VRK2: variants seen among roughly 807,000 people sequenced by gnomAD.
VRK2 encodes serine/threonine-protein kinase VRK2.
Under a neutral mutation model 57.6 loss-of-function variants are expected in VRK2, and 60 were observed. The ratio of observed to expected loss-of-function variants is 1.04; its 90% CI spans 0.85 to 1.29. VRK2 has a LOEUF of 1.29. Ranked by LOEUF, VRK2 falls within the 50% of genes most tolerant of loss-of-function variation. VRK2 has a pLI of 0.00. For synonymous variants in VRK2, 231 were observed against 199.2 expected (o/e 1.16, Z -1.35); for missense variants, 705 against 588.1 (o/e 1.20, Z -2.06).
chr2:58,046,472 G>A (rs1674761222), upstream of VRK2: 4 of 984,100 alleles, frequency 4.1e-6, no homozygotes, highest in Non-Finnish European at 3.6e-6. Context: ...TCAGGTTGTG[G>A]TACAGGAGAT....
intron 1 of VRK2, among the ~76,000 whole-genome samples, chr2:57,924,364 C>G (rs927423818): frequency 6.6e-6 from 1 of 151,838 alleles, no homozygotes; most frequent in Non-Finnish European, 1.5e-5. Context: ...ACTTGGAATG[C>G]CTTTCCATTT....
chr2:58,066,269 A>G (rs1266760520), intron 2 of VRK2, among the ~76,000 whole-genome samples: 1 of 152,178 alleles, frequency 6.6e-6, no homozygotes. Context: ...CAAGTTAAGC[A>G]TACTGAGTTT....
chr2:57,985,748 T>C (rs1672575220), intron 1 of VRK2, among the ~76,000 whole-genome samples: 1 of 152,040 alleles, frequency 6.6e-6, no homozygotes. Flanking sequence ...GCATCCATAT[T>C]GGAAAATTCA....
chr2:58,105,387 CA>C (rs1674581365), intron 7 of VRK2, among the ~76,000 whole-genome samples: 2 of 151,662 alleles, frequency 1.3e-5, no homozygotes, highest in Admixed American at 6.6e-5. Context: ...GGGCAAAAGA[CA>C]TGAACAGATA....
At chr2:58,095,251 G>A (rs564950210) in intron 7 of VRK2, among the ~76,000 whole-genome samples, 5 of 146,282 alleles carry the variant, frequency 3.4e-5, no homozygotes, top group South Asian at 4.3e-4. Context: ...CCAAGATTGC[G>A]CCACTGCACT....
intron 12 of VRK2, chr2:58,147,067 T>C: frequency 2.1e-6 from 1 of 467,688 alleles, no homozygotes; most frequent in Non-Finnish European, 4.2e-6. Flanking sequence ...TACACCATCA[T>C]TTCCCCCAAA....
intron 2 of VRK2, among the ~76,000 whole-genome samples, chr2:58,082,038 G>A (rs1056624504): frequency 1.1e-4 from 16 of 151,880 alleles, no homozygotes; most frequent in African/African-American, 3.4e-4. Flanking sequence ...TGAAGCACCC[G>A]TCTCTAAGAG....
At chr2:58,145,443 A>G (rs886640737) in intron 11 of VRK2, among the ~76,000 whole-genome samples, 1 of 151,988 alleles carries the variant, frequency 6.6e-6, no homozygotes, top group Non-Finnish European at 1.5e-5. Flanking sequence ...TAGAAAACTA[A>G]GATTTTAATT....
intron 2 of VRK2, among the ~76,000 whole-genome samples, chr2:58,027,908 G>A (rs1673982703): frequency 6.6e-6 from 1 of 152,156 alleles, no homozygotes; most frequent in Non-Finnish European, 1.5e-5. Context: ...ATCTTAAGAA[G>A]AGGAATTGAA....
At chr2:58,052,735 A>T (rs751210538) in intron 2 of VRK2, among the ~76,000 whole-genome samples, 1 of 152,198 alleles carries the variant, frequency 6.6e-6, no homozygotes, top group African/African-American at 2.4e-5. Flanking sequence ...AACTGAGAAC[A>T]TAGAGAATGT....
Position 57,933,382 on chromosome 2 carries a change from G to A in VRK2, c.-439+25543G>A, listed in dbSNP as rs1346485567. 8.0e-5 allele frequency among the ~76,000 whole-genome samples: 10 copies of A among 124,374 alleles called. No homozygotes were observed. In the South Asian group the frequency reaches 1.7e-3, roughly 22 times the overall value. 81.6% of individuals were successfully genotyped at this position (124,374 alleles called of 152,430 possible). A position where few individuals can be genotyped will look rare whatever the true frequency, so the allele number is the denominator to read the frequency against. On this transcript the variant is annotated intron_variant, in intron 1 of 15. Transcript: ENST00000417641. ...GGCTGGAGTGCAGTGGTGCAATCTCGGCTCACCACAACCTCTGCCTCCCAG... is the reference window on the plus strand; with the variant it reads ...GGCTGGAGTGCAGTGGTGCAATCTCAGCTCACCACAACCTCTGCCTCCCAG...
At chr2:58,036,454 G>A (rs1267639807) in intron 3 of VRK2, among the ~76,000 whole-genome samples, 1 of 151,832 alleles carries the variant, frequency 6.6e-6, no homozygotes, top group Non-Finnish European at 1.5e-5. Context: ...ATTTTTCTTT[G>A]TTGTAATAGG....
Position 58,159,482 on chromosome 2 carries a change from C to G in VRK2, c.1316C>G (p.Pro439Arg). Reference sequence around the variant, plus strand: ...GAGCCTCATCAAGATTTTACCAGTCCAGATATATTCAAGAAGTCAAGATCT... The same window carrying G: ...GAGCCTCATCAAGATTTTACCAGTCGAGATATATTCAAGAAGTCAAGATCT... ...FYEPHQDFTSPDIFKKSRSPS... is the reference protein window; with the variant it reads ...FYEPHQDFTSRDIFKKSRSPS... Residue 439 changes from proline to arginine, a missense_variant, in exon 13 of 13, where the codon CCA (proline) becomes CGA (arginine). Physicochemically the swap from Pro to Arg is moderately radical, Grantham distance 103. Transcript: ENST00000340157. 2 of 1,613,608 alleles carry G rather than the reference C, an allele frequency of 1.2e-6. No individual in the cohort carries two copies. Among genetic ancestry groups the G allele is most frequent in the Non-Finnish European group, 1.7e-6 (2 of 1,179,736 alleles).
chr2:58,146,230 G>A (rs1205006203), intron 11 of VRK2, 86 bp from the exon 12 acceptor site: 1 of 1,191,218 alleles, frequency 8.4e-7, no homozygotes, highest in Non-Finnish European at 1.1e-6. Context: ...CAAGTTTAGA[G>A]CTTTTAAGAA....
rs569273086 is a variant in VRK2, at chr2:58,152,409, T to C, written c.1182+5935T>C. Among the ~76,000 whole-genome samples the C allele has an allele frequency of 4.6e-5, 7 of 152,064 alleles. No homozygotes were observed. In the South Asian group the frequency reaches 6.2e-4, roughly 13 times the overall value. ...CTCATCCTTTGTGCTATTGTTGTTA[T>C]ACGTTTTGCTTTTACATGTGTAATA... is the stretch of plus-strand genomic sequence containing the variant. On this transcript the variant is annotated intron_variant, in intron 12 of 12. Transcript: ENST00000340157.
chr2:57,922,454 T>TTTTG (rs1670381094), intron 1 of VRK2, among the ~76,000 whole-genome samples: 1 of 146,958 alleles, frequency 6.8e-6, no homozygotes, highest in South Asian at 2.2e-4. Flanking sequence ...AGTTACCTTC[T>TTTTG]TGTGTGTGTG....
intron 2 of VRK2, among the ~76,000 whole-genome samples, chr2:58,073,880 A>G (rs117450830): frequency 0.019 from 2,852 of 151,942 alleles, 60 homozygotes; most frequent in East Asian, 0.081. Flanking sequence ...ATCTTTTCAC[A>G]TTCTTCTGCC....
chr2:57,985,585 A>G (rs1453337056), intron 1 of VRK2, among the ~76,000 whole-genome samples: 2 of 152,106 alleles, frequency 1.3e-5, no homozygotes, highest in Non-Finnish European at 2.9e-5. Flanking sequence ...CAAGAAACCT[A>G]CAGCCAACAT....
intron 1 of VRK2, among the ~76,000 whole-genome samples, chr2:57,929,526 C>G (rs935768876): frequency 1.8e-4 from 27 of 152,164 alleles, no homozygotes; most frequent in Admixed American, 1.8e-3. Flanking sequence ...TCAGGGACTG[C>G]AAGAGCCTGC....
Sources: allele counts gnomAD v4.1 joint callset (sites outside exome capture counted in the v4.1 genomes callset), GRCh38; gene constraint gnomAD v4.1.1; transcripts MANE v1.5; gene names NCBI Gene and HGNC (gene_info 2026-07-23, HGNC 2026-07-21).